The following ST8SIA1 variants were observed in gnomAD, a reference collection of about 807,000 sequenced individuals.
The protein encoded by ST8SIA1 is alpha-N-acetylneuraminide alpha-2,8-sialyltransferase.
Under a neutral mutation model 35.9 loss-of-function variants are expected in ST8SIA1, and 16 were observed. The observed-to-expected ratio is 0.45, with a 90% confidence interval of 0.30 to 0.68. The LOEUF (loss-of-function observed/expected upper bound fraction) is 0.68. Among genes scored for constraint, ST8SIA1 ranks in the 30% least tolerant of loss-of-function variants. The pLI is 0.09. For missense variants in ST8SIA1, 383 were observed against 453.6 expected (o/e 0.84, Z 1.41); for synonymous variants, 170 against 169.6 (o/e 1.00, Z -0.02).
At chr12:22,280,029 T>C (rs775338669) in intron 2 of ST8SIA1, among the ~76,000 whole-genome samples, 21 of 152,364 alleles carry the variant, frequency 1.4e-4, no homozygotes, top group Non-Finnish European at 2.2e-4. Context: ...AAACGTTCTC[T>C]GTGCATAGTC....
chr12:22,297,422 T>C (rs922436549), intron 1 of ST8SIA1, among the ~76,000 whole-genome samples: 1 of 151,378 alleles, frequency 6.6e-6, no homozygotes, highest in African/African-American at 2.4e-5. Context: ...AATTGTCTCT[T>C]TCATGATTCA....
At chr12:22,333,676 C>G (rs1866798383) in intron 1 of ST8SIA1, among the ~76,000 whole-genome samples, 1 of 152,210 alleles carries the variant, frequency 6.6e-6, no homozygotes, top group African/African-American at 2.4e-5. Flanking sequence ...GTGCAAGAGA[C>G]TAAGTTATCC....
At chr12:22,215,315 C>G (rs1446083115) in intron 4 of ST8SIA1, among the ~76,000 whole-genome samples, 1 of 152,164 alleles carries the variant, frequency 6.6e-6, no homozygotes, top group Non-Finnish European at 1.5e-5. Flanking sequence ...TGGATTCATT[C>G]ACACTCCTAG....
At chr12:22,264,651 T>C (rs2300730) in intron 2 of ST8SIA1, among the ~76,000 whole-genome samples, 2 of 150,242 alleles carry the variant, frequency 1.3e-5, no homozygotes, top group East Asian at 4.0e-4. Flanking sequence ...CTTCTCATTA[T>C]AGGTACTTAA....
Position 22,201,408 on chromosome 12 carries a change from G to C in ST8SIA1, c.*144C>G. 2 of 1,158,304 alleles carry C rather than the reference G, an allele frequency of 1.7e-6. No individual in the cohort carries two copies. The highest frequency in any genetic ancestry group is 2.4e-6 in the Non-Finnish European group (2 of 834,290). The allele number at this position is 1,158,304 out of a possible 1,614,324, so 71.8% of individuals were successfully genotyped here. ...CCTCCAAGCCAACGCTGAAAGTAAA[G>C]TTTTGCTTGGATCTTCATTGCTCCT... On this transcript the variant is annotated 3_prime_UTR_variant, in exon 5 of 5. Transcript: ENST00000396037.
At chr12:22,226,023 A>C (rs925446503) in intron 4 of ST8SIA1, among the ~76,000 whole-genome samples, 3 of 152,068 alleles carry the variant, frequency 2.0e-5, no homozygotes, top group African/African-American at 7.2e-5. Context: ...TATACTTTTA[A>C]TTGCTTTTGA....
chr12:22,289,985 A>G (rs1866154444), intron 1 of ST8SIA1, among the ~76,000 whole-genome samples: 1 of 152,230 alleles, frequency 6.6e-6, no homozygotes, highest in African/African-American at 2.4e-5. Context: ...AATATGTATT[A>G]GATTATGTTG....
chr12:22,259,149 G>A (rs1490063996), intron 2 of ST8SIA1, among the ~76,000 whole-genome samples: 2 of 151,980 alleles, frequency 1.3e-5, no homozygotes, highest in Non-Finnish European at 2.9e-5. Context: ...AGATTTCACG[G>A]TTTCTGTAGA....
At chr12:22,315,876 G>A (rs1866512465) in intron 1 of ST8SIA1, among the ~76,000 whole-genome samples, 1 of 152,030 alleles carries the variant, frequency 6.6e-6, no homozygotes, top group Non-Finnish European at 1.5e-5. Flanking sequence ...AATGCCTGAG[G>A]GGCTTAAAAC....
chr12:22,258,378 G>A (rs1044932686), intron 2 of ST8SIA1, among the ~76,000 whole-genome samples: 4 of 151,884 alleles, frequency 2.6e-5, no homozygotes, highest in African/African-American at 7.3e-5. Context: ...CCTGGAGATA[G>A]AAAATAGAGA....
intron 4 of ST8SIA1, among the ~76,000 whole-genome samples, chr12:22,240,806 T>C (rs147772074): frequency 2.3e-4 from 35 of 152,272 alleles, no homozygotes; most frequent in African/African-American, 6.3e-4. Context: ...CTCTTCTACT[T>C]GTATGGGAAG....
chr12:22,206,989 A>T (rs1865116898), intron 4 of ST8SIA1, among the ~76,000 whole-genome samples: 1 of 152,222 alleles, frequency 6.6e-6, no homozygotes, highest in Admixed American at 6.5e-5. Context: ...ATAACAAATG[A>T]TGGATTTGGG....
At chr12:22,325,415 C>T in intron 1 of ST8SIA1, 1 of 701,718 alleles carries the variant, frequency 1.4e-6, no homozygotes, top group Middle Eastern at 2.3e-4. Context: ...TAGAGCGACA[C>T]AGCTCTTACG....
chr12:22,237,417 T>G (rs1301150449), intron 4 of ST8SIA1, among the ~76,000 whole-genome samples: 1 of 152,080 alleles, frequency 6.6e-6, no homozygotes, highest in Admixed American at 6.5e-5. Context: ...GTCTGCTTTT[T>G]AAATAATTTT....
chr12:22,326,330 T>G (rs1866680664), intron 1 of ST8SIA1: 1 of 156,356 alleles, frequency 6.4e-6, no homozygotes, highest in Non-Finnish European at 1.4e-5. Context: ...TACAGCACCC[T>G]CAGCACTAAC....
At chr12:22,209,438 T>C (rs1307927756) in intron 4 of ST8SIA1, among the ~76,000 whole-genome samples, 1 of 152,134 alleles carries the variant, frequency 6.6e-6, no homozygotes, top group African/African-American at 2.4e-5. Context: ...AACAAAACTA[T>C]AGCAAACTAA....
intron 4 of ST8SIA1, among the ~76,000 whole-genome samples, chr12:22,215,341 T>A (rs1261792449): frequency 6.6e-6 from 1 of 152,200 alleles, no homozygotes; most frequent in Non-Finnish European, 1.5e-5. Flanking sequence ...ATTTATTGAG[T>A]ACCTATCATG....
chr12:22,274,234 G>A (rs1346672280), intron 2 of ST8SIA1, among the ~76,000 whole-genome samples: 1 of 152,162 alleles, frequency 6.6e-6, no homozygotes, highest in Non-Finnish European at 1.5e-5. Flanking sequence ...AAATCAATGG[G>A]AAGACAATCA....
At chr12:22,283,310 T>C (rs1335446426) in intron 2 of ST8SIA1, among the ~76,000 whole-genome samples, 5 of 152,226 alleles carry the variant, frequency 3.3e-5, no homozygotes, top group African/African-American at 1.2e-4. Context: ...TCAGCACAGT[T>C]GTGGTTTCTA....
Sources: allele counts gnomAD v4.1 joint callset (sites outside exome capture counted in the v4.1 genomes callset), GRCh38; gene constraint gnomAD v4.1.1; transcripts MANE v1.5; gene names NCBI Gene and HGNC (gene_info 2026-07-23, HGNC 2026-07-21).